The following COQ4 variants were observed in gnomAD, a reference collection of about 807,000 sequenced individuals.
COQ4 encodes the protein ubiquinone biosynthesis protein COQ4 homolog, mitochondrial.
In COQ4, 36 loss-of-function variants were observed where a neutral mutation model predicts 30.2. The observed-to-expected ratio is 1.19, with a 90% CI of 0.91 to 1.57. COQ4 has a LOEUF of 1.57. Among genes scored for constraint, COQ4 ranks in the 40% most tolerant of loss-of-function variants. The pLI is 0.00. For synonymous variants in COQ4, 197 were observed against 161.0 expected, an observed-to-expected ratio of 1.22 and a Z score of -1.69; for missense variants, 369 against 371.9, an observed-to-expected ratio of 0.99 and a Z score of 0.07.
chr9:128,325,681 T>C, intron 3 of COQ4, 98 bp from the exon 4 acceptor site: 4 of 911,722 alleles, frequency 4.4e-6, no homozygotes, highest in Non-Finnish European at 7.0e-6. Flanking sequence ...GTGGCCACAT[T>C]GCTCCTCTGT....
chr9:128,327,628 T>C (rs891397610), intron 4 of COQ4, among the ~76,000 whole-genome samples: 1 of 152,040 alleles, frequency 6.6e-6, no homozygotes, highest in Non-Finnish European at 1.5e-5. Flanking sequence ...GGTGAAACCC[T>C]GTCTCTGCAA....
rs1428518823 is a variant in COQ4, at chr9:128,325,770, G to A, written c.300-9G>A. 1 of 1,612,616 alleles carries A rather than the reference G, an allele frequency of 6.2e-7. No individual in the cohort carries two copies. Among genetic ancestry groups the A allele is most frequent in the South Asian group, 1.1e-5 (1 of 91,020 alleles). On this transcript the variant is annotated splice_polypyrimidine_tract_variant and intron_variant, in intron 3 of 6. Transcript: ENST00000300452. ...CACACCCTCCCAATGCCCAAGTCTT[G>A]CCTTTCAGGGAGCGTCCCCGGATTT...
At chr9:128,332,421 C>T in intron 5 of COQ4, 139 bp downstream of exon 5, 1 of 889,258 alleles carries the variant, frequency 1.1e-6, no homozygotes, top group Non-Finnish European at 1.7e-6. Context: ...TTAGTAGCAT[C>T]TTTGCCACAT....
intron 4 of COQ4, among the ~76,000 whole-genome samples, chr9:128,330,232 G>T (rs985150571): frequency 1.3e-5 from 2 of 151,532 alleles, no homozygotes; most frequent in Non-Finnish European, 2.9e-5. Context: ...AATTAGCCGG[G>T]TGTAGTGGCA....
In COQ4 at chr9:128,333,695, T is replaced by C. The variant is rs749113971; in HGVS notation, c.*50T>C. ...CTACCTCCCCCATCCCCTGCTTCCC[T>C]TGGAGGCAGAGGGCTCCCTTGACTA... On this transcript the variant is annotated 3_prime_UTR_variant, in exon 7 of 7. Coordinates refer to ENST00000300452, the MANE Select transcript of COQ4 (RefSeq NM_016035.5). The C allele has an allele frequency of 3.5e-6, 5 of 1,438,832 alleles. No homozygotes were observed. The East Asian group carries it at 1.0e-4, about 29-fold the overall frequency. 89.1% of individuals were successfully genotyped at this position (1,438,832 alleles called of 1,614,324 possible).
intron 4 of COQ4, among the ~76,000 whole-genome samples, chr9:128,328,068 C>T (rs1832350568): frequency 6.6e-6 from 1 of 152,210 alleles, no homozygotes; most frequent in Non-Finnish European, 1.5e-5. Flanking sequence ...GAGGGAATGG[C>T]AAGGGCAAAG....
chr9:128,328,566 T>C (rs1030155291), intron 4 of COQ4, among the ~76,000 whole-genome samples: 4 of 152,202 alleles, frequency 2.6e-5, no homozygotes, highest in African/African-American at 9.7e-5. Flanking sequence ...CCCCGTCAAG[T>C]TGTGACAACC....
intron 2 of COQ4, among the ~76,000 whole-genome samples, chr9:128,323,773 T>C (rs1055718655): frequency 1.3e-5 from 2 of 152,056 alleles, no homozygotes; most frequent in Admixed American, 6.6e-5. Flanking sequence ...GGCAACACGG[T>C]GAATCCCCAT....
intron 3 of COQ4, 139 bp from the exon 4 acceptor site, chr9:128,325,640 G>T (rs1385189542): frequency 3.0e-6 from 2 of 664,576 alleles, no homozygotes; most frequent in Non-Finnish European, 5.3e-6. Context: ...CACTAGCCTG[G>T]CCAGTTGTAG....
At position 128,324,658 on chromosome 9, in the gene COQ4, T is replaced by TA. The variant is rs368934170; in HGVS notation, c.203-479dup. Among the ~76,000 whole-genome samples the TA allele has an allele frequency of 4.4e-3, 664 of 151,742 alleles. 2 individuals carry two copies. The highest frequency in any genetic ancestry group is 0.015 in the African/African-American group (602 of 41,388). On this transcript the variant is annotated intron_variant, in intron 2 of 6. Coordinates refer to ENST00000300452, the MANE Select transcript of COQ4 (RefSeq NM_016035.5). ...CAAGACCTCATCTCTACAGAAAATT[T>TA]AAAAAACTAGCTGCATGCCTGTAGT...
At chr9:128,331,951 ACTC>A (rs1379286408) in intron 4 of COQ4, 199 bp from the exon 5 acceptor site, 2 of 533,818 alleles carry the variant, frequency 3.7e-6, no homozygotes, top group Non-Finnish European at 6.7e-6. Flanking sequence ...CTGGTGTTGA[ACTC>A]CTGATCTCAG....
At chr9:128,324,145 ATTG>A (rs1588537059) in intron 2 of COQ4, among the ~76,000 whole-genome samples, 2 of 151,884 alleles carry the variant, frequency 1.3e-5, no homozygotes, top group South Asian at 2.1e-4. Context: ...GGCCTGGCTA[ATTG>A]TTGTATTTTT....
intron 4 of COQ4, among the ~76,000 whole-genome samples, chr9:128,326,988 TC>T (rs753461910): frequency 3.3e-4 from 50 of 151,908 alleles, no homozygotes; most frequent in Admixed American, 6.6e-4. Context: ...CCTCAAGTGA[TC>T]CACCTGCCTC....
chr9:128,323,445 C>T (rs1832252859), intron 2 of COQ4: 2 of 502,598 alleles, frequency 4.0e-6, no homozygotes, highest in Non-Finnish European at 6.9e-6. Context: ...AAGTACCGAT[C>T]AGTTTATAAT....
At chr9:128,330,232 G>A (rs985150571) in intron 4 of COQ4, among the ~76,000 whole-genome samples, 1 of 151,532 alleles carries the variant, frequency 6.6e-6, no homozygotes, top group Non-Finnish European at 1.5e-5. Flanking sequence ...AATTAGCCGG[G>A]TGTAGTGGCA....
intron 5 of COQ4, 103 bp from the exon 6 acceptor site, chr9:128,332,747 T>C (rs377188831): frequency 2.2e-6 from 2 of 915,276 alleles, no homozygotes; most frequent in Admixed American, 1.7e-5. Flanking sequence ...GCTGACCCCG[T>C]AGAGATTAGG....
rs1486209529 is a variant in COQ4 at position 128,333,498 on chromosome 9, GT to G, written c.653del (p.Leu218Ter). 1.9e-6 allele frequency: 3 copies of G among 1,560,200 alleles called. No homozygotes were observed. The highest frequency in any genetic ancestry group is 2.6e-6 in the Non-Finnish European group (3 of 1,156,408). On this transcript the variant is annotated frameshift_variant, in exon 7 of 7. Transcript: ENST00000300452. LOFTEE classifies it high-confidence loss of function. ...GGAGCCTGCAAGTGCTGGTCTCGGA[GT>G]TGATCCCATGGGCCGTTCAGAACGG... ...AQSLQVLVSE[L>X]IPWAVQNGRR... is the part of the protein sequence containing the mutation.
At position 128,323,162 on chromosome 9, in the gene COQ4, G is replaced by A. The variant is rs769985454; in HGVS notation, c.202+15G>A. The A allele has an allele frequency of 6.4e-7, 1 of 1,574,138 alleles. No individual in the cohort carries two copies. The highest frequency in any genetic ancestry group is 1.1e-5 in the South Asian group (1 of 88,488). On this transcript the variant is annotated intron_variant, in intron 2 of 6. Transcript: ENST00000300452. ...CTACCGCCACGGTAAGGCCGCCCGC[G>A]CCTCGCCCCCGTGGGGGCGGCTTGG...
At chr9:128,328,507 A>T (rs577629046) in intron 4 of COQ4, among the ~76,000 whole-genome samples, 1 of 152,184 alleles carries the variant, frequency 6.6e-6, no homozygotes, top group East Asian at 1.9e-4. Context: ...GCCTGGTAGG[A>T]TGTTTAGTGG....
Sources: allele counts gnomAD v4.1 joint callset (sites outside exome capture counted in the v4.1 genomes callset), GRCh38; gene constraint gnomAD v4.1.1; transcripts MANE v1.5; gene names NCBI Gene and HGNC (gene_info 2026-07-23, HGNC 2026-07-21).